ZNF33B: variants seen among roughly 807,000 people sequenced by gnomAD.
ZNF33B encodes the protein zinc finger protein 11b (KOX 2).
A neutral mutation model predicts 45.8 loss-of-function variants in ZNF33B; 29 were observed. The observed-to-expected ratio is 0.63, with a 90% CI of 0.47 to 0.86. The LOEUF (loss-of-function observed/expected upper bound fraction) is 0.86. ZNF33B is among the 40% of genes least tolerant of loss of function. The probability of loss-of-function intolerance (pLI) is 0.00; values close to 1 mark genes in which losing one functional copy is unlikely to be tolerated. For synonymous variants in ZNF33B, 305 were observed against 307.8 expected (o/e 0.99, Z 0.10); for missense variants, 831 against 909.9 (o/e 0.91, Z 1.12).
chr10:42,602,082 C>A (rs1245543331), intron 4 of ZNF33B, among the ~76,000 whole-genome samples: 1 of 151,646 alleles, frequency 6.6e-6, no homozygotes, highest in African/African-American at 2.4e-5. Flanking sequence ...CCACACCCAG[C>A]TAATTTTTTT....
In ZNF33B at chr10:42,583,020, T is replaced by G. The variant is rs558688087; in HGVS notation, c.74-8342A>C. On this transcript the variant is annotated intron_variant, in intron 1 of 1. Transcript: ENST00000462075. ...GTAGTTTGGAAGAAGGGAAGGCCAT[T>G]GATCTTCCAGTCCTGGTGTGGCAGG... The G allele has an allele frequency of 5.3e-3, 4,093 of 768,864 alleles. 21 individuals carry two copies. Among genetic ancestry groups the G allele is most frequent in the Non-Finnish European group, 8.1e-3 (3,506 of 431,022 alleles). The allele number at this position is 768,864 out of a possible 1,614,324, so 47.6% of individuals were successfully genotyped here.
At chr10:42,632,525 C>A in intron 2 of ZNF33B, 86 bp from the exon 3 acceptor site, 1 of 1,504,930 alleles carries the variant, frequency 6.6e-7, no homozygotes, top group Non-Finnish European at 8.9e-7. Context: ...ATTTGTTTTG[C>A]TTTATACTTT....
chr10:42,609,596 C>T (rs2132089716), intron 4 of ZNF33B, among the ~76,000 whole-genome samples: 2 of 152,238 alleles, frequency 1.3e-5, no homozygotes, highest in East Asian at 3.9e-4. Context: ...CATTACTACC[C>T]TGGTACCAAA....
At chr10:42,616,699 ATTTAT>A (rs148963048) in intron 4 of ZNF33B, among the ~76,000 whole-genome samples, 2,543 of 152,000 alleles carry the variant, frequency 0.017, 75 homozygotes, top group African/African-American at 0.058. Flanking sequence ...TGTCCATTAC[ATTTAT>A]TTTATTTTTT....
rs1490874160 is a variant in ZNF33B, at chr10:42,592,474, C to T, written c.*139G>A. The T allele has an allele frequency of 1.0e-5, 12 of 1,205,040 alleles. No homozygotes were observed. In the African/African-American group the frequency reaches 1.4e-4, roughly 14 times the overall value. 74.6% of individuals were successfully genotyped at this position (1,205,040 alleles called of 1,614,324 possible). ...TTGTAGTCTATGGGTTTATCCCCTA[C>T]TGTTACTTTGGAGTAACATAAGGCG... On this transcript the variant is annotated 3_prime_UTR_variant, in exon 5 of 5. Coordinates refer to ENST00000359467, the MANE Select transcript of ZNF33B (RefSeq NM_006955.3).
chr10:42,595,657 A>G lies in ZNF33B; in HGVS notation c.251-958T>C, dbSNP rs558421945. ...CAATGGCATTCATGTCCTTATAAGA[A>G]GAGGAGGAGACTGGAAAGCACATGC... is the stretch of plus-strand genomic sequence containing the variant. On this transcript the variant is annotated intron_variant, in intron 4 of 4. Coordinates refer to ENST00000359467, the MANE Select transcript of ZNF33B (RefSeq NM_006955.3). Among the ~76,000 whole-genome samples, 10 of 152,282 alleles carry G rather than the reference A, an allele frequency of 6.6e-5. No homozygotes were observed. The East Asian group carries it at 1.5e-3, about 24-fold the overall frequency.
intron 4 of ZNF33B, among the ~76,000 whole-genome samples, chr10:42,613,349 A>C (rs1589049127): frequency 6.6e-6 from 1 of 152,078 alleles, no homozygotes; most frequent in South Asian, 2.1e-4. Context: ...GGAGTTCGTG[A>C]CCAGCCTGTA....
downstream of ZNF33B, among the ~76,000 whole-genome samples, chr10:42,587,987 C>G (rs1231036258): frequency 6.6e-6 from 1 of 152,202 alleles, no homozygotes; most frequent in Non-Finnish European, 1.5e-5. Flanking sequence ...CAGTTGTCTC[C>G]TGCCTTTCCA....
chr10:42,583,673 T>C (rs1016784138), intron 1 of ZNF33B, among the ~76,000 whole-genome samples: 2 of 152,028 alleles, frequency 1.3e-5, no homozygotes, highest in Admixed American at 1.3e-4. Flanking sequence ...TGTGGGAAAA[T>C]CTTGCCATTC....
In ZNF33B at chr10:42,624,718, T is replaced by C. The variant is rs1209338274; in HGVS notation, c.250+7211A>G. Among the ~76,000 whole-genome samples the C allele has an allele frequency of 1.7e-5, 2 of 120,192 alleles. 1 individual carries two copies. The allele number at this position is 120,192 out of a possible 152,430, so 78.9% of individuals were successfully genotyped here. A position where few individuals can be genotyped will look rare whatever the true frequency, so the allele number is the denominator to read the frequency against. ...GTAAATAATCAAGACAATTACTAAG[T>C]AATTAACTCATGGGTAGCATATACA... On this transcript the variant is annotated intron_variant, in intron 4 of 4. Transcript: ENST00000359467.
At chr10:42,635,913 G>A (rs1839280046) in intron 2 of ZNF33B, among the ~76,000 whole-genome samples, 2 of 151,774 alleles carry the variant, frequency 1.3e-5, no homozygotes, top group South Asian at 2.1e-4. Flanking sequence ...GGCAGATCAC[G>A]ACGTCAAGAT....
At position 42,638,542 on chromosome 10, in the gene ZNF33B, C is replaced by A. The variant is rs573758304; in HGVS notation, c.-113G>T. The A allele has an allele frequency of 1.4e-4, 66 of 480,886 alleles. No homozygotes were observed. The highest frequency in any genetic ancestry group is 9.2e-4 in the South Asian group (62 of 67,160). 29.8% of individuals were successfully genotyped at this position (480,886 alleles called of 1,614,324 possible). The stretch of plus-strand genomic sequence containing the variant: ...GACCCCTGAAATCCCGGGACCGCCT[C>A]CCACGCAAAACGTGAGACAAACAAA... On this transcript the variant is annotated 5_prime_UTR_variant, in exon 1 of 5. Coordinates refer to ENST00000359467, the MANE Select transcript of ZNF33B (RefSeq NM_006955.3).
At chr10:42,582,139 A>G (rs1836839349) in intron 1 of ZNF33B, 1 of 152,260 alleles carries the variant, frequency 6.6e-6, no homozygotes. Context: ...AAAAATCTGC[A>G]TTCCTCTATG....
At chr10:42,638,296 C>T (rs1445861506) in intron 1 of ZNF33B, among the ~76,000 whole-genome samples, 178 bp downstream of exon 1, 1 of 152,276 alleles carries the variant, frequency 6.6e-6, no homozygotes, top group Non-Finnish European at 1.5e-5. Flanking sequence ...CCTACAGAGG[C>T]TGCGCCTTAG....
chr10:42,594,699 TC>T lies in ZNF33B; in HGVS notation c.251-1del, dbSNP rs771877261. On this transcript the variant is annotated splice_acceptor_variant, in intron 4 of 4. Transcript: ENST00000359467. LOFTEE classifies it high-confidence loss of function. ...TTTCAGGTGATCAGCTGTCCAGACT[TC>T]TACAAACAAACAAAATTAATCTTAC... The T allele has an allele frequency of 6.5e-7, 1 of 1,548,046 alleles. No individual in the cohort carries two copies. Among genetic ancestry groups the T allele is most frequent in the Non-Finnish European group, 8.7e-7 (1 of 1,154,972 alleles).
chr10:42,614,423 C>T (rs376643565), intron 4 of ZNF33B: 2 of 152,676 alleles, frequency 1.3e-5, no homozygotes, highest in Non-Finnish European at 2.9e-5. Flanking sequence ...CAAAGAAGGA[C>T]ATTAGGTAAA....
chr10:42,623,937 T>G (rs937570266), intron 4 of ZNF33B, among the ~76,000 whole-genome samples: 1 of 151,966 alleles, frequency 6.6e-6, no homozygotes, highest in Non-Finnish European at 1.5e-5. Flanking sequence ...TTGTCAAATG[T>G]CTTAGCTTCA....
At chr10:42,596,520 T>C (rs1837406822) in intron 4 of ZNF33B, among the ~76,000 whole-genome samples, 1 of 152,186 alleles carries the variant, frequency 6.6e-6, no homozygotes, top group African/African-American at 2.4e-5. Context: ...TGGAATTATA[T>C]TATTTTAAAT....
chr10:42,582,426 G>C (rs1257872214), intron 1 of ZNF33B: 1 of 152,052 alleles, frequency 6.6e-6, no homozygotes, highest in Non-Finnish European at 1.5e-5. Context: ...AGGAAAGTCA[G>C]TCAGTCCTTG....
Sources: allele counts gnomAD v4.1 joint callset (sites outside exome capture counted in the v4.1 genomes callset), GRCh38; gene constraint gnomAD v4.1.1; transcripts MANE v1.5; gene names NCBI Gene and HGNC (gene_info 2026-07-23, HGNC 2026-07-21).